Variants in LARS1 observed in about 807,000 individuals in gnomAD.
LARS1 encodes the protein leucyl-tRNA synthetase 1.
A neutral mutation model predicts 162.8 loss-of-function variants in LARS1; 100 were observed. That is an observed-to-expected ratio of 0.61 (90% confidence interval 0.52 to 0.73). The LOEUF (loss-of-function observed/expected upper bound fraction) is 0.73. Among genes scored for constraint, LARS1 ranks in the 30% least tolerant of loss-of-function variants. The pLI is 0.00. For synonymous variants in LARS1, 457 were observed against 462.8 expected (o/e 0.99, Z 0.16); for missense variants, 1,258 against 1,408.9 (o/e 0.89, Z 1.71).
At chr5:146,149,175 C>CT (rs1445114305) in intron 15 of LARS1, among the ~76,000 whole-genome samples, 1 of 152,088 alleles carries the variant, frequency 6.6e-6, no homozygotes, top group Non-Finnish European at 1.5e-5. Context: ...GAAATTGCTG[C>CT]TTTTTTATTT....
Position 146,164,461 on chromosome 5 carries a change from G to C in LARS1, c.443C>G (p.Ala148Gly). 6.2e-7 allele frequency: 1 copy of C among 1,613,876 alleles called. No individual in the cohort carries two copies. The highest frequency in any genetic ancestry group is 8.5e-7 in the Non-Finnish European group (1 of 1,179,860). ...DKAKGKKSKAAAKAGSSKYQW... is the reference protein window; with the variant it reads ...DKAKGKKSKAGAKAGSSKYQW... ...GTATTTAGAAGATCCAGCTTTAGCA[G>C]CAGCTTTACTCTGAAAATAATGGAG... is the stretch of plus-strand genomic sequence containing the variant. The change falls in exon 6 of 32, where the codon GCT (alanine) becomes GGT (glycine). Residue 148 changes from alanine to glycine, a missense_variant. By Grantham distance (60) the Ala-to-Gly change is moderately conservative. Coordinates refer to ENST00000394434, the MANE Select transcript of LARS1 (RefSeq NM_020117.11).
In LARS1 at chr5:146,153,899, C is replaced by A. The variant is rs1475025921; in HGVS notation, c.1147G>T (p.Asp383Tyr). The A allele has an allele frequency of 4.3e-6, 7 of 1,610,824 alleles. No homozygotes were observed. In the East Asian group the frequency reaches 1.1e-4, roughly 26 times the overall value. The change falls in exon 11 of 32, where the codon GAT becomes TAT. Residue 383 changes from aspartate to tyrosine, a missense_variant. Asp to Tyr is a radical substitution (Grantham distance 160, BLOSUM62 -3). Transcript: ENST00000394434. ...YVLPMLTIKEDKGTGVVTSVP... is the reference protein window; with the variant it reads ...YVLPMLTIKEYKGTGVVTSVP... ...AAATAAATAAACTCTTTACCTTTAT[C>A]CTCCTTAATAGTTAGCATTGGGAGA...
intron 22 of LARS1, among the ~76,000 whole-genome samples, chr5:146,133,794 C>G (rs1752394656): frequency 1.3e-5 from 2 of 151,828 alleles, no homozygotes; most frequent in Non-Finnish European, 2.9e-5. Flanking sequence ...TTGCCTTTTC[C>G]ACTTAACAGT....
In LARS1 at chr5:146,159,776, T is replaced by G. The variant is rs62373789; in HGVS notation, c.708-306A>C. Among the ~76,000 whole-genome samples, 33,811 of 151,924 alleles carry G rather than the reference T, an allele frequency of 0.22. 4,802 individuals are homozygous for G. The highest frequency in any genetic ancestry group is 0.34 in the Admixed American group (5,109 of 15,232). ...AATGAAACTATCAGGAAGTTGATTA[T>G]GTAGATTAATCAAGGAAGATAACTT... On this transcript the variant is annotated intron_variant, in intron 7 of 31. Transcript: ENST00000394434.
chr5:146,158,240 A>G lies in LARS1; in HGVS notation c.772-445T>C, dbSNP rs188594670. On this transcript the variant is annotated intron_variant, in intron 8 of 31. Transcript: ENST00000394434. ...TTGCGTCTCAGATAGGACTGTCCTG[A>G]GGAACACACAAGATAACAGATGAAA... is the stretch of plus-strand genomic sequence containing the variant. 1.7e-3 allele frequency among the ~76,000 whole-genome samples: 252 copies of G among 152,314 alleles called. 1 individual carries two copies. Among genetic ancestry groups the G allele is most frequent in the South Asian group, 3.1e-3 (15 of 4,834 alleles).
intron 31 of LARS1, among the ~76,000 whole-genome samples, chr5:146,116,494 G>A (rs1448584454): frequency 6.6e-6 from 1 of 152,142 alleles, no homozygotes; most frequent in Non-Finnish European, 1.5e-5. Context: ...TTGCTTTGAT[G>A]TTTCACCATG....
intron 21 of LARS1, 60 bp from the exon 22 acceptor site, chr5:146,135,724 C>A: frequency 2.4e-6 from 3 of 1,231,282 alleles, no homozygotes; most frequent in Non-Finnish European, 3.4e-6. Context: ...ACCAAATGAG[C>A]CAAATAAAAT....
At chr5:146,132,791 T>A in intron 23 of LARS1, 107 bp downstream of exon 23, 1 of 777,764 alleles carries the variant, frequency 1.3e-6, no homozygotes, top group Non-Finnish European at 1.9e-6. Context: ...TTATTATCAT[T>A]AGTTTATTTT....
intron 15 of LARS1, among the ~76,000 whole-genome samples, chr5:146,147,340 G>A (rs1561814756): frequency 1.3e-5 from 2 of 151,816 alleles, no homozygotes; most frequent in African/African-American, 4.8e-5. Flanking sequence ...AGCTGAAGTG[G>A]GACGATCACT....
chr5:146,171,596 T>A (rs1275704793), intron 4 of LARS1, among the ~76,000 whole-genome samples: 1 of 152,286 alleles, frequency 6.6e-6, no homozygotes, highest in Non-Finnish European at 1.5e-5. Flanking sequence ...ATGTCATAAG[T>A]GCACAATGGC....
intron 21 of LARS1, among the ~76,000 whole-genome samples, chr5:146,136,756 C>T (rs565568152): frequency 7.9e-5 from 12 of 151,988 alleles, no homozygotes; most frequent in South Asian, 2.1e-4. Context: ...CTGCAATTAA[C>T]GGGCGTGAGC....
chr5:146,160,411 T>G lies in LARS1; in HGVS notation c.670A>C (p.Thr224Pro), dbSNP rs889675131. 6.3e-7 allele frequency: 1 copy of G among 1,580,186 alleles called. No homozygotes were observed. Among genetic ancestry groups the G allele is most frequent in the Non-Finnish European group, 8.6e-7 (1 of 1,164,180 alleles). Residue 224 changes from threonine to proline, a missense_variant, in exon 7 of 32, where the codon ACA (threonine) becomes CCA (proline). Physicochemically the swap from Thr to Pro is conservative, Grantham distance 38. Transcript: ENST00000394434. ...YDSFVRWQFL[T>P]LRERNKIKFG... ...TTAATTTTGTTTCTTTCTCTTAATG[T>G]TAAAAATTGCCATCTGACAAATGAA...
At chr5:146,162,388 G>T (rs1182277676) in intron 6 of LARS1, among the ~76,000 whole-genome samples, 1 of 152,154 alleles carries the variant, frequency 6.6e-6, no homozygotes, top group Non-Finnish European at 1.5e-5. Flanking sequence ...GTGATTGGGT[G>T]CATTGTCAAT....
Position 146,157,745 on chromosome 5 carries a change from T to C in LARS1, c.822A>G (p.Pro274=), listed in dbSNP as rs774187896. The change falls in exon 9 of 32, where the codon CCA becomes CCG. Residue 274 remains proline, a synonymous_variant. Coordinates refer to ENST00000394434, the MANE Select transcript of LARS1 (RefSeq NM_020117.11). ...YTLLKLKVLE[P]YPSKLSGLKG... ...AAACCTACCTTAATTTAGATGGGTA[T>C]GGCTCAAGCACCTTCAATTTGAGTA... The C allele has an allele frequency of 3.1e-6, 5 of 1,614,042 alleles. No individual in the cohort carries two copies. Among genetic ancestry groups the C allele is most frequent in the African/African-American group, 1.3e-5 (1 of 74,942 alleles).
chr5:146,126,430 C>A lies in LARS1; in HGVS notation c.2991+5G>T. On this transcript the variant is annotated splice_donor_5th_base_variant and intron_variant, in intron 28 of 31. Coordinates refer to ENST00000394434, the MANE Select transcript of LARS1 (RefSeq NM_020117.11). ...GGTCACAGCTGCATAAGGTCCACAGCTTACCTTAATCATGGCAACAAATGG... is the reference window on the plus strand; with the variant it reads ...GGTCACAGCTGCATAAGGTCCACAGATTACCTTAATCATGGCAACAAATGG... 6.3e-7 allele frequency: 1 copy of A among 1,575,716 alleles called. No individual in the cohort carries two copies. Among genetic ancestry groups the A allele is most frequent in the Non-Finnish European group, 8.7e-7 (1 of 1,145,630 alleles).
At chr5:146,168,937 G>A (rs1476842237) in intron 4 of LARS1, among the ~76,000 whole-genome samples, 2 of 151,846 alleles carry the variant, frequency 1.3e-5, no homozygotes, top group African/African-American at 4.8e-5. Context: ...AGGGGGGAGG[G>A]ATAGCATTAG....
Position 146,172,774 on chromosome 5 carries a change from G to A in LARS1, c.126C>T (p.Ser42=). The part of the protein sequence containing the change: ...VNASNLEKQT[S]KGKYFVTFPY... ...GGAAGGTTACAAAATACTTGCCCTT[G>A]CTGCAAAACAACAGTATAAAAAAGA... The change falls in exon 3 of 32, where the codon AGC becomes AGT. Residue 42 remains serine, a splice_region_variant and synonymous_variant. Coordinates refer to ENST00000394434, the MANE Select transcript of LARS1 (RefSeq NM_020117.11). 6.5e-7 allele frequency: 1 copy of A among 1,527,932 alleles called. No homozygotes were observed. The highest frequency in any genetic ancestry group is 8.8e-7 in the Non-Finnish European group (1 of 1,130,408). 94.6% of individuals were successfully genotyped at this position (1,527,932 alleles called of 1,614,324 possible). A position where few individuals can be genotyped will look rare whatever the true frequency, so the allele number is the denominator to read the frequency against.
In LARS1 at chr5:146,182,541, C is replaced by A. The variant is rs773592355; in HGVS notation, c.-48G>T. On this transcript the variant is annotated 5_prime_UTR_variant, in exon 1 of 32. Coordinates refer to ENST00000394434, the MANE Select transcript of LARS1 (RefSeq NM_020117.11). ...AAATCCACGACAATGACCCTGGCGA[C>A]CTCCACAAAGGAGTGGTTACCTTTC... The A allele has an allele frequency of 6.2e-7, 1 of 1,613,956 alleles. No individual in the cohort carries two copies. Among genetic ancestry groups the A allele is most frequent in the Admixed American group, 1.7e-5 (1 of 60,006 alleles).
intron 20 of LARS1, among the ~76,000 whole-genome samples, chr5:146,142,358 G>C (rs963426498): frequency 2.0e-5 from 3 of 152,080 alleles, no homozygotes; most frequent in African/African-American, 7.2e-5. Flanking sequence ...CTAAATACAA[G>C]AAGGCATAAG....
Sources: gnomAD v4.1 joint callset for allele counts (sites outside exome capture counted in the v4.1 genomes callset) on GRCh38, gnomAD v4.1.1 for gene constraint, MANE v1.5 for transcripts, NCBI Gene and HGNC (gene_info 2026-07-23, HGNC 2026-07-21) for gene names.